EXOC4: variants seen among roughly 807,000 people sequenced by gnomAD.
EXOC4 encodes exocyst complex component 4, also known as SEC8-like 1.
EXOC4 carries 71 observed loss-of-function variants against 107.2 expected under a neutral mutation model. The observed-to-expected ratio is 0.66, with a 90% confidence interval of 0.55 to 0.81. EXOC4 has a LOEUF of 0.81. EXOC4 is among the 30% of genes least tolerant of loss of function. The pLI is 0.00. For missense variants in EXOC4, 1,108 were observed against 1,189.6 expected (o/e 0.93, Z 1.01); for synonymous variants, 456 against 441.2 (o/e 1.03, Z -0.42).
chr7:133,949,298 C>T (rs1029907962), intron 14 of EXOC4, among the ~76,000 whole-genome samples: 7 of 152,168 alleles, frequency 4.6e-5, no homozygotes, highest in African/African-American at 1.7e-4. Context: ...CTCTAAGGCA[C>T]AGTGTTCCTT....
chr7:134,047,148 T>C (rs2116559654), intron 17 of EXOC4, among the ~76,000 whole-genome samples: 1 of 152,348 alleles, frequency 6.6e-6, no homozygotes, highest in South Asian at 2.1e-4. Flanking sequence ...AAAACTTTAG[T>C]TTTTGTGTGG....
At chr7:133,501,645 A>G (rs1446502301) in intron 9 of EXOC4, among the ~76,000 whole-genome samples, 1 of 152,146 alleles carries the variant, frequency 6.6e-6, no homozygotes, top group East Asian at 1.9e-4. Flanking sequence ...TGTCAAGGGA[A>G]ACCTCTTTAA....
At chr7:133,849,726 G>A (rs55796860) in intron 11 of EXOC4, among the ~76,000 whole-genome samples, 17,550 of 152,126 alleles carry the variant, frequency 0.12, 1,115 homozygotes, top group Middle Eastern at 0.14. Context: ...AAGCGATAAC[G>A]TCTGTTTGCT....
At chr7:133,696,549 T>TC (rs1562912040) in intron 10 of EXOC4, among the ~76,000 whole-genome samples, 1 of 152,200 alleles carries the variant, frequency 6.6e-6, no homozygotes, top group African/African-American at 2.4e-5. Context: ...CTCTTTTTTT[T>TC]CCCCATGTAC....
At chr7:133,760,908 AACAGATAC>A (rs1384917850) in intron 10 of EXOC4, among the ~76,000 whole-genome samples, 1 of 152,160 alleles carries the variant, frequency 6.6e-6, no homozygotes, top group Non-Finnish European at 1.5e-5. Flanking sequence ...TAAGCAAATA[AACAGATAC>A]ATATCACCTT....
chr7:133,920,573 C>T (rs527275834), intron 13 of EXOC4, among the ~76,000 whole-genome samples: 18 of 152,256 alleles, frequency 1.2e-4, no homozygotes, highest in African/African-American at 3.9e-4. Context: ...TACCTTATAA[C>T]AGAGTATTCC....
intron 7 of EXOC4, among the ~76,000 whole-genome samples, chr7:133,401,956 T>C (rs1039290831): frequency 1.3e-5 from 2 of 152,176 alleles, no homozygotes; most frequent in Non-Finnish European, 2.9e-5. Context: ...GTAACACATT[T>C]GCACCTGACA....
chr7:133,363,261 T>C (rs1796172998), intron 6 of EXOC4, among the ~76,000 whole-genome samples: 1 of 152,172 alleles, frequency 6.6e-6, no homozygotes, highest in African/African-American at 2.4e-5. Context: ...GCAGCTTAAC[T>C]GAAATATTTT....
intron 10 of EXOC4, among the ~76,000 whole-genome samples, chr7:133,709,425 A>G (rs1309839708): frequency 1.3e-5 from 2 of 152,220 alleles, no homozygotes; most frequent in East Asian, 3.8e-4. Context: ...CCAGCAGGTG[A>G]GAGTTGCTAC....
intron 16 of EXOC4, among the ~76,000 whole-genome samples, chr7:134,006,647 C>T (rs571846314): frequency 2.0e-5 from 3 of 152,138 alleles, no homozygotes; most frequent in East Asian, 3.9e-4. Flanking sequence ...CTCAGAGTCT[C>T]GGGGAAGGGA....
At chr7:133,583,324 G>A (rs1801323255) in intron 9 of EXOC4, among the ~76,000 whole-genome samples, 1 of 152,112 alleles carries the variant, frequency 6.6e-6, no homozygotes, top group Non-Finnish European at 1.5e-5. Flanking sequence ...ACTATTTTAT[G>A]CATTCATTCA....
intron 17 of EXOC4, among the ~76,000 whole-genome samples, chr7:134,048,645 T>C (rs76322857): frequency 0.031 from 4,675 of 152,266 alleles, 240 homozygotes; most frequent in African/African-American, 0.11. Context: ...TAGCCTTCTC[T>C]TTCCTTTCAG....
At chr7:133,338,134 G>T (rs1795562846) in intron 5 of EXOC4, among the ~76,000 whole-genome samples, 1 of 148,492 alleles carries the variant, frequency 6.7e-6, no homozygotes, top group African/African-American at 2.5e-5. Flanking sequence ...CTTTCTTTTG[G>T]TTTGTTACTC....
chr7:133,286,090 T>A (rs1407378721), intron 2 of EXOC4, among the ~76,000 whole-genome samples: 2 of 152,170 alleles, frequency 1.3e-5, no homozygotes, highest in Admixed American at 6.5e-5. Context: ...AATTATTTTT[T>A]AACTATTTTT....
intron 7 of EXOC4, among the ~76,000 whole-genome samples, chr7:133,467,086 G>A (rs1004433421): frequency 3.9e-5 from 6 of 152,046 alleles, no homozygotes; most frequent in Admixed American, 2.6e-4. Context: ...TCAAGTTCAC[G>A]GGCGTATATT....
the EXOC4 span, among the ~76,000 whole-genome samples, chr7:134,074,843 G>T: frequency 1.3e-5 from 2 of 152,212 alleles, no homozygotes; most frequent in Non-Finnish European, 2.9e-5. Context: ...GAGCATTTCT[G>T]AGGAACTCAG....
At chr7:133,803,955 G>C (rs185086418) in intron 10 of EXOC4, among the ~76,000 whole-genome samples, 92 of 152,174 alleles carry the variant, frequency 6.0e-4, no homozygotes, top group Non-Finnish European at 1.1e-3. Flanking sequence ...TATTTAGTTT[G>C]GTTTACTGTT....
chr7:134,068,061 C>T (rs1045297334), downstream of EXOC4, among the ~76,000 whole-genome samples: 14 of 152,274 alleles, frequency 9.2e-5, no homozygotes, highest in African/African-American at 3.1e-4. Flanking sequence ...TTAGTATGTC[C>T]AGATCAGCTC....
chr7:133,374,587 A>C (rs554684390), intron 6 of EXOC4, among the ~76,000 whole-genome samples: 2 of 152,212 alleles, frequency 1.3e-5, no homozygotes, highest in African/African-American at 4.8e-5. Context: ...GGGCTTTACA[A>C]TTGCTTTTAA....
Sources: allele counts gnomAD v4.1 joint callset (sites outside exome capture counted in the v4.1 genomes callset), GRCh38; gene constraint gnomAD v4.1.1; transcripts MANE v1.5; gene names NCBI Gene and HGNC (gene_info 2026-07-23, HGNC 2026-07-21).